FARSB: variants seen among roughly 807,000 people sequenced by gnomAD.
FARSB encodes phenylalanyl-tRNA synthetase subunit beta, also known as phenylalanine--tRNA ligase beta subunit.
A neutral mutation model predicts 69.6 loss-of-function variants in FARSB; 40 were observed. The ratio of observed to expected loss-of-function variants is 0.57; its 90% CI spans 0.45 to 0.75. FARSB has a LOEUF of 0.75. Among genes scored for constraint, FARSB ranks in the 30% least tolerant of loss-of-function variants. The pLI is 0.00. For missense variants in FARSB, 632 were observed against 722.9 expected (o/e 0.87, Z 1.44); for synonymous variants, 235 against 247.2 (o/e 0.95, Z 0.46).
At chr2:222,604,554 A>G (rs537538271) in intron 15 of FARSB, among the ~76,000 whole-genome samples, 2 of 152,000 alleles carry the variant, frequency 1.3e-5, no homozygotes, top group South Asian at 2.1e-4. Flanking sequence ...AACCGTCAGT[A>G]ATTCTTCTTT....
At chr2:222,632,694 A>G (rs2106228365) in intron 7 of FARSB, among the ~76,000 whole-genome samples, 1 of 152,216 alleles carries the variant, frequency 6.6e-6, no homozygotes, top group East Asian at 1.9e-4. Flanking sequence ...CACATCTATA[A>G]TCCCAGGGCT....
At chr2:222,584,035 CA>C (rs1690040605) in intron 16 of FARSB, among the ~76,000 whole-genome samples, 1 of 152,092 alleles carries the variant, frequency 6.6e-6, no homozygotes, top group Non-Finnish European at 1.5e-5. Flanking sequence ...CTATAAAGGA[CA>C]ATTGATAAAA....
chr2:222,630,124 C>T lies in FARSB; in HGVS notation c.837G>A (p.Glu279=), dbSNP rs1009967772. ...IIVTMFSEYC[E]NQFTVEAAEV... is the part of the protein sequence containing the mutation. ...CTGGATGAACTTACGTAAATTGATTCTCACAATATTCACTGAACATGGTGA... is the reference window on the plus strand; with the variant it reads ...CTGGATGAACTTACGTAAATTGATTTTCACAATATTCACTGAACATGGTGA... The change falls in exon 9 of 17, where the codon GAG becomes GAA. Residue 279 remains glutamate (E), a synonymous_variant. Coordinates refer to ENST00000281828, the MANE Select transcript of FARSB (RefSeq NM_005687.5). The T allele has an allele frequency of 6.4e-7, 1 of 1,557,462 alleles. No homozygotes were observed. The highest frequency in any genetic ancestry group is 1.4e-5 in the African/African-American group (1 of 71,884).
intron 2 of FARSB, among the ~76,000 whole-genome samples, chr2:222,647,116 G>T (rs1215704733): frequency 6.6e-6 from 1 of 152,192 alleles, no homozygotes; most frequent in Non-Finnish European, 1.5e-5. Context: ...CCCAGCTGGG[G>T]ATTGCTTATA....
rs1330693257 is a variant in FARSB at position 222,571,269 on chromosome 2, A to T, written c.*602T>A. 1 of 152,240 alleles carries T rather than the reference A, an allele frequency of 6.6e-6. No individual in the cohort carries two copies. The highest frequency in any genetic ancestry group is 1.5e-5 in the Non-Finnish European group (1 of 68,078). 9.4% of individuals were successfully genotyped at this position (152,240 alleles called of 1,614,324 possible). On this transcript the variant is annotated 3_prime_UTR_variant, in exon 17 of 17. Transcript: ENST00000281828. ...TTAGAGTATCACAGATAGAGTAAAA[A>T]ATACCTATGCACCCTCACATATTTT...
Position 222,571,823 on chromosome 2 carries a change from A to G in FARSB, c.*48T>C. 1 of 1,529,576 alleles carries G rather than the reference A, an allele frequency of 6.5e-7. No homozygotes were observed. Among genetic ancestry groups the G allele is most frequent in the Non-Finnish European group, 9.0e-7 (1 of 1,117,264 alleles). The allele number at this position is 1,529,576 out of a possible 1,614,324, so 94.8% of individuals were successfully genotyped here. ...GAGGAGGACTTAAGGACACTAGGGGAGGAGAAAGGGACACCTGGGAAGAGA... is the reference window on the plus strand; with the variant it reads ...GAGGAGGACTTAAGGACACTAGGGGGGGAGAAAGGGACACCTGGGAAGAGA... On this transcript the variant is annotated 3_prime_UTR_variant, in exon 17 of 17. Coordinates refer to ENST00000281828, the MANE Select transcript of FARSB (RefSeq NM_005687.5).
At chr2:222,645,614 T>C (rs1015890563) in intron 2 of FARSB, among the ~76,000 whole-genome samples, 3 of 132,816 alleles carry the variant, frequency 2.3e-5, no homozygotes, top group African/African-American at 8.5e-5. Flanking sequence ...TTAAAGTATG[T>C]CTTTTTTTTT....
At chr2:222,641,715 C>T (rs1475092967) in intron 3 of FARSB, among the ~76,000 whole-genome samples, 1 of 152,172 alleles carries the variant, frequency 6.6e-6, no homozygotes, top group Admixed American at 6.5e-5. Flanking sequence ...GTTTGGGAAA[C>T]GAACTCTCAG....
At chr2:222,638,745 T>C (rs149722348) in intron 5 of FARSB, among the ~76,000 whole-genome samples, 1 of 152,340 alleles carries the variant, frequency 6.6e-6, no homozygotes, top group Non-Finnish European at 1.5e-5. Context: ...AGCAAATAGC[T>C]GCAGCAGATC....
intron 5 of FARSB, among the ~76,000 whole-genome samples, chr2:222,636,591 T>C (rs1024989471): frequency 2.0e-5 from 3 of 152,072 alleles, no homozygotes; most frequent in African/African-American, 7.2e-5. Flanking sequence ...AAGATTAACA[T>C]TCCAAATATA....
At chr2:222,641,003 G>A in intron 3 of FARSB, 72 bp from the exon 4 acceptor site, 1 of 678,408 alleles carries the variant, frequency 1.5e-6, no homozygotes, top group East Asian at 3.7e-5. Flanking sequence ...ATTCTATGCT[G>A]TATATAGGAA....
intron 13 of FARSB, among the ~76,000 whole-genome samples, chr2:222,622,601 T>C (rs1691166746): frequency 6.6e-6 from 1 of 152,198 alleles, no homozygotes; most frequent in African/African-American, 2.4e-5. Flanking sequence ...ACTACAAATG[T>C]GTGTATATAT....
intron 16 of FARSB, among the ~76,000 whole-genome samples, chr2:222,585,275 G>A (rs1301296691): frequency 6.6e-6 from 1 of 152,194 alleles, no homozygotes; most frequent in Non-Finnish European, 1.5e-5. Flanking sequence ...CTGCAGCTGA[G>A]GGTCCTGAAT....
chr2:222,593,763 C>A (rs540592289), intron 16 of FARSB, among the ~76,000 whole-genome samples: 12 of 151,862 alleles, frequency 7.9e-5, no homozygotes, highest in African/African-American at 2.9e-4. Flanking sequence ...CCCGGCTACA[C>A]TGATGGCTGA....
At chr2:222,628,430 T>A (rs1400379414) in intron 10 of FARSB, among the ~76,000 whole-genome samples, 1 of 152,196 alleles carries the variant, frequency 6.6e-6, no homozygotes, top group Admixed American at 6.5e-5. Flanking sequence ...TATGTACAAT[T>A]ATTATGTGCC....
In FARSB at chr2:222,600,088, A is replaced by G. The variant is rs759860312; in HGVS notation, c.1463-5T>C. On this transcript the variant is annotated splice_region_variant and splice_polypyrimidine_tract_variant and intron_variant, in intron 15 of 16. Transcript: ENST00000281828. Reference sequence around the variant, plus strand: ...TGTAGTTTTTTGCACCTACATCTAGAAAAATAAAGGAACTGGTCACAACGC... The same window carrying G: ...TGTAGTTTTTTGCACCTACATCTAGGAAAATAAAGGAACTGGTCACAACGC... The G allele has an allele frequency of 3.1e-6, 5 of 1,602,660 alleles. No homozygotes were observed.
chr2:222,655,428 G>A (rs1692147927), intron 1 of FARSB, among the ~76,000 whole-genome samples: 3 of 152,084 alleles, frequency 2.0e-5, no homozygotes, highest in Non-Finnish European at 2.9e-5. Flanking sequence ...TTTCCTTGAT[G>A]GCATTTAACA....
chr2:222,613,771 T>C, intron 15 of FARSB, 40 bp downstream of exon 15: 1 of 1,277,492 alleles, frequency 7.8e-7, no homozygotes, highest in Non-Finnish European at 1.1e-6. Flanking sequence ...AAAAAAATGT[T>C]TTAAATACAC....
intron 15 of FARSB, among the ~76,000 whole-genome samples, chr2:222,605,437 A>G (rs1690681310): frequency 6.6e-6 from 1 of 152,196 alleles, no homozygotes; most frequent in Admixed American, 6.5e-5. Flanking sequence ...GAGAGAGCTT[A>G]GCAACTAAAC....
Sources: gnomAD v4.1 joint callset for allele counts (sites outside exome capture counted in the v4.1 genomes callset) on GRCh38, gnomAD v4.1.1 for gene constraint, MANE v1.5 for transcripts, NCBI Gene and HGNC (gene_info 2026-07-23, HGNC 2026-07-21) for gene names.